The following PCDH9 variants were observed in gnomAD, a reference collection of about 807,000 sequenced individuals.
PCDH9 encodes protocadherin-9.
In PCDH9, 24 loss-of-function variants were observed where a neutral mutation model predicts 70.6. That is an observed-to-expected ratio of 0.34 (90% confidence interval 0.25 to 0.48). The LOEUF (loss-of-function observed/expected upper bound fraction) is 0.48, where lower values mean the gene tolerates loss of function less well. PCDH9 is among the 20% of genes least tolerant of loss of function. PCDH9 has a pLI of 0.99. For synonymous variants in PCDH9, 562 were observed against 558.5 expected (o/e 1.01, Z -0.09); for missense variants, 1,281 against 1,503.6 (o/e 0.85, Z 2.45).
At chr13:67,222,239 G>GT (rs1427679257) in intron 2 of PCDH9, 1 of 51,818 alleles carries the variant, frequency 1.9e-5, no homozygotes, top group African/African-American at 4.7e-5. Flanking sequence ...TGTAAACTTT[G>GT]TTGTTTTTTT....
intron 3 of PCDH9, among the ~76,000 whole-genome samples, chr13:66,737,018 T>G (rs1421075497): frequency 2.6e-5 from 4 of 152,190 alleles, no homozygotes; most frequent in African/African-American, 9.7e-5. Context: ...CCTCTATTTT[T>G]TCCATCTCCC....
chr13:67,119,587 A>G (rs1311767393), intron 2 of PCDH9, among the ~76,000 whole-genome samples: 2 of 152,170 alleles, frequency 1.3e-5, no homozygotes, highest in African/African-American at 4.8e-5. Context: ...AAGCTGTGCA[A>G]TCAGGATGTA....
At chr13:66,562,389 G>A (rs1446743276) in intron 4 of PCDH9, among the ~76,000 whole-genome samples, 1 of 152,032 alleles carries the variant, frequency 6.6e-6, no homozygotes, top group Non-Finnish European at 1.5e-5. Context: ...GTATTAGTCT[G>A]TTCTCAAGCC....
intron 4 of PCDH9, among the ~76,000 whole-genome samples, chr13:66,532,962 T>G (rs1960532687): frequency 3.9e-5 from 6 of 152,146 alleles, no homozygotes; most frequent in Admixed American, 3.9e-4. Context: ...TTTAAAGATA[T>G]GCATGACTGA....
intron 3 of PCDH9, among the ~76,000 whole-genome samples, chr13:66,704,993 T>G (rs2078692920): frequency 6.6e-6 from 1 of 152,150 alleles, no homozygotes; most frequent in African/African-American, 2.4e-5. Context: ...AAAAGTTACA[T>G]TTGCAAATTT....
chr13:66,772,927 T>C (rs2079831413), intron 3 of PCDH9, among the ~76,000 whole-genome samples: 1 of 151,920 alleles, frequency 6.6e-6, no homozygotes, highest in Non-Finnish European at 1.5e-5. Flanking sequence ...AAAAAAAGTC[T>C]CACAAGTATA....
At chr13:66,866,748 A>T (rs971807000) in intron 3 of PCDH9, among the ~76,000 whole-genome samples, 4 of 148,308 alleles carry the variant, frequency 2.7e-5, no homozygotes, top group African/African-American at 1.0e-4. Flanking sequence ...AATGAGCCAA[A>T]ATTGTGCCAC....
At chr13:67,199,095 G>T (rs528906922) in intron 2 of PCDH9, among the ~76,000 whole-genome samples, 3 of 151,418 alleles carry the variant, frequency 2.0e-5, no homozygotes, top group Non-Finnish European at 3.0e-5. Context: ...TAAATTGTAG[G>T]TTTTTTCAGT....
intron 4 of PCDH9, among the ~76,000 whole-genome samples, chr13:66,572,385 C>G (rs2076745017): frequency 1.3e-5 from 2 of 152,232 alleles, no homozygotes; most frequent in South Asian, 4.2e-4. Flanking sequence ...TCCTCAGTCA[C>G]TTGCCAGCCA....
At chr13:67,068,429 G>A (rs1440370243) in intron 2 of PCDH9, among the ~76,000 whole-genome samples, 1 of 151,990 alleles carries the variant, frequency 6.6e-6, no homozygotes, top group African/African-American at 2.4e-5. Context: ...CTATCCTCAA[G>A]GAAGAGAAAT....
chr13:66,374,333 T>G lies in PCDH9; in HGVS notation c.3341-69305A>C, dbSNP rs149609175. ...AGGAATGGGAAGAGAACAAGGGACA[T>G]GCGAATTTGACAGAACATGAAGAGG... On this transcript the variant is annotated intron_variant, in intron 4 of 4. Transcript: ENST00000377865. Among the ~76,000 whole-genome samples the G allele has an allele frequency of 3.9e-3, 595 of 152,070 alleles. 3 individuals are homozygous for G. The highest frequency in any genetic ancestry group is 0.014 in the African/African-American group (566 of 41,504).
chr13:66,380,329 C>G (rs888201455), intron 4 of PCDH9, among the ~76,000 whole-genome samples: 2 of 152,012 alleles, frequency 1.3e-5, no homozygotes, highest in South Asian at 4.1e-4. Flanking sequence ...CTGTCAATAC[C>G]AATGGCATCT....
intron 3 of PCDH9, among the ~76,000 whole-genome samples, chr13:66,856,855 C>A (rs9943914): frequency 1.3e-4 from 19 of 151,938 alleles, no homozygotes; most frequent in African/African-American, 4.3e-4. Flanking sequence ...CAATCATATA[C>A]CCTAATAACC....
At chr13:66,539,403 G>A (rs1960848096) in intron 4 of PCDH9, among the ~76,000 whole-genome samples, 1 of 152,082 alleles carries the variant, frequency 6.6e-6, no homozygotes, top group Non-Finnish European at 1.5e-5. Context: ...CCACCATGTT[G>A]CTGTTCTCAT....
intron 2 of PCDH9, among the ~76,000 whole-genome samples, chr13:67,029,453 G>A (rs1417569495): frequency 1.3e-5 from 2 of 152,020 alleles, no homozygotes; most frequent in African/African-American, 4.8e-5. Flanking sequence ...ATCTTTTCTG[G>A]TATCTCCTAT....
At chr13:66,927,688 T>A (rs2082738746) in intron 2 of PCDH9, among the ~76,000 whole-genome samples, 1 of 152,126 alleles carries the variant, frequency 6.6e-6, no homozygotes, top group Non-Finnish European at 1.5e-5. Flanking sequence ...TCTTTCTTTT[T>A]CTTTACATGT....
Position 66,704,912 on chromosome 13 carries a change from A to AT in PCDH9, c.3139-73502dup, listed in dbSNP as rs2078691518. ...TTAAAATAGTCATATAACAAAACAT[A>AT]TTTCTAATGCTAAACCCTTTATTAT... is the stretch of plus-strand genomic sequence containing the variant. On this transcript the variant is annotated intron_variant, in intron 3 of 4. Coordinates refer to ENST00000377865, the MANE Select transcript of PCDH9 (RefSeq NM_203487.3). Among the ~76,000 whole-genome samples, 4 of 152,194 alleles carry AT rather than the reference A, an allele frequency of 2.6e-5. No individual in the cohort carries two copies. The South Asian group carries it at 8.3e-4, about 31-fold the overall frequency.
At chr13:66,853,011 G>C (rs1051061143) in intron 3 of PCDH9, among the ~76,000 whole-genome samples, 1 of 151,850 alleles carries the variant, frequency 6.6e-6, no homozygotes, top group African/African-American at 2.4e-5. Flanking sequence ...TACTTGAGAA[G>C]CTTGTTTCTT....
intron 2 of PCDH9, among the ~76,000 whole-genome samples, chr13:67,191,455 T>G (rs1180775169): frequency 6.6e-6 from 1 of 152,112 alleles, no homozygotes; most frequent in African/African-American, 2.4e-5. Flanking sequence ...CATCCCTCTA[T>G]CTTGAATTGC....
Sources: gnomAD v4.1 joint callset for allele counts (sites outside exome capture counted in the v4.1 genomes callset) on GRCh38, gnomAD v4.1.1 for gene constraint, MANE v1.5 for transcripts, NCBI Gene and HGNC (gene_info 2026-07-23, HGNC 2026-07-21) for gene names.